COPS4: variants seen among roughly 807,000 people sequenced by gnomAD.
The protein encoded by COPS4 is COP9 signalosome complex subunit 4.
In COPS4, 8 loss-of-function variants were observed where a neutral mutation model predicts 55.1. The ratio of observed to expected loss-of-function variants is 0.15; its 90% CI spans 0.09 to 0.26. The LOEUF (loss-of-function observed/expected upper bound fraction) is 0.26, where lower values mean the gene tolerates loss of function less well. Among genes scored for constraint, COPS4 ranks in the 10% least tolerant of loss-of-function variants. COPS4 has a pLI of 1.00. For synonymous variants in COPS4, 185 were observed against 165.7 expected (o/e 1.12, Z -0.90); for missense variants, 248 against 484.0 (o/e 0.51, Z 4.58).
intron 9 of COPS4, among the ~76,000 whole-genome samples, chr4:83,069,239 C>G (rs1731361216): frequency 6.6e-6 from 1 of 152,196 alleles, no homozygotes; most frequent in Non-Finnish European, 1.5e-5. Flanking sequence ...ACCTCATTTA[C>G]ACCCTGGACC....
chr4:83,059,970 G>A (rs1731120137), intron 6 of COPS4, among the ~76,000 whole-genome samples: 1 of 151,894 alleles, frequency 6.6e-6, no homozygotes. Context: ...CAAAGTGCTG[G>A]GATTACAGGT....
At chr4:83,049,611 G>A (rs529766614) in intron 3 of COPS4, 21 of 460,556 alleles carry the variant, frequency 4.6e-5, no homozygotes, top group South Asian at 9.8e-5. Flanking sequence ...CTCCAGCATC[G>A]TGTATGCAGG....
At chr4:83,049,647 A>G (rs1207662126) in intron 3 of COPS4, 3 of 466,040 alleles carry the variant, frequency 6.4e-6, no homozygotes, top group Non-Finnish European at 1.1e-5. Context: ...TTTAATGTTT[A>G]AACTACAGTA....
chr4:83,051,589 A>G (rs1440377763), intron 4 of COPS4, among the ~76,000 whole-genome samples: 3 of 152,168 alleles, frequency 2.0e-5, no homozygotes, highest in African/African-American at 4.8e-5. Flanking sequence ...GAGCAATTGG[A>G]AAGTTGGAGT....
In COPS4 at chr4:83,056,979, A is replaced by G; in HGVS notation, c.464A>G (p.Tyr155Cys). 6.2e-7 allele frequency: 1 copy of G among 1,613,524 alleles called. No homozygotes were observed. Among genetic ancestry groups the G allele is most frequent in the Non-Finnish European group, 8.5e-7 (1 of 1,179,398 alleles). Residue 155 changes from tyrosine (Y) to cysteine (C), a missense_variant, in exon 5 of 10, where the codon TAT becomes TGT. By Grantham distance (194) the Tyr-to-Cys change is radical. This residue lies in a region of COPS4 where 155 missense variants were observed against 326.6 expected (regional missense o/e 0.47). Coordinates refer to ENST00000264389, the MANE Select transcript of COPS4 (RefSeq NM_016129.3). ...ACTTACTTGAAGATTGCTAGGCTAT[A>G]TCTGGAGGATGATGATCCAGTCCAG... ...LETYLKIARL[Y>C]LEDDDPVQAE... is the part of the protein sequence containing the mutation.
At chr4:83,046,123 G>T (rs1053920312) in intron 2 of COPS4, among the ~76,000 whole-genome samples, 9 of 151,702 alleles carry the variant, frequency 5.9e-5, no homozygotes, top group South Asian at 2.1e-4. Context: ...GGGTAGTACA[G>T]TACTGTACTT....
chr4:83,049,383 A>C, intron 3 of COPS4, 66 bp downstream of exon 3: 3 of 1,386,106 alleles, frequency 2.2e-6, no homozygotes, highest in African/African-American at 1.5e-5. Flanking sequence ...ATCTGATATT[A>C]GTAAATTCTT....
rs138675056 is a variant in COPS4 at position 83,055,731 on chromosome 4, G to A, written c.411-1195G>A. ...GCTGGGATTACAGGTGTGAGCCACC[G>A]CGCCCAGTCTTGTATTCTACCATTT... is the stretch of plus-strand genomic sequence containing the variant. On this transcript the variant is annotated intron_variant, in intron 4 of 9. Coordinates refer to ENST00000264389, the MANE Select transcript of COPS4 (RefSeq NM_016129.3). Among the ~76,000 whole-genome samples, 1,109 of 151,994 alleles carry A rather than the reference G, an allele frequency of 7.3e-3. 12 individuals are homozygous for A. Among genetic ancestry groups the A allele is most frequent in the African/African-American group, 0.025 (1,029 of 41,476 alleles).
intron 1 of COPS4, among the ~76,000 whole-genome samples, chr4:83,045,295 A>G (rs1023440862): frequency 3.9e-5 from 6 of 152,232 alleles, no homozygotes; most frequent in Admixed American, 2.0e-4. Context: ...GTTTAAATTC[A>G]AAAATAAAAC....
At chr4:83,073,166 G>A in intron 9 of COPS4, 1 of 571,126 alleles carries the variant, frequency 1.8e-6, no homozygotes, top group East Asian at 2.9e-5. Flanking sequence ...GGAAGCCCTT[G>A]CCCTTTAAGC....
chr4:83,043,572 G>A (rs957804691), intron 1 of COPS4, among the ~76,000 whole-genome samples: 2 of 147,216 alleles, frequency 1.4e-5, no homozygotes, highest in African/African-American at 5.0e-5. Flanking sequence ...AACAACTTAG[G>A]TTAATTAGCA....
intron 9 of COPS4, chr4:83,073,454 A>G (rs905782820): frequency 7.4e-6 from 3 of 404,240 alleles, no homozygotes; most frequent in African/African-American, 4.1e-5. Context: ...TATCTTGGCC[A>G]TTCTCAAACA....
At chr4:83,049,051 A>G (rs757941739) in intron 2 of COPS4, 115 bp from the exon 3 acceptor site, 3 of 928,676 alleles carry the variant, frequency 3.2e-6, no homozygotes, top group Non-Finnish European at 4.8e-6. Flanking sequence ...TGAATAATGC[A>G]TTGAAGGCTG....
chr4:83,040,431 G>C (rs1197233061), intron 1 of COPS4, among the ~76,000 whole-genome samples: 1 of 152,194 alleles, frequency 6.6e-6, no homozygotes, highest in Non-Finnish European at 1.5e-5. Context: ...TGGTTTACCT[G>C]GGTGGTCTTG....
intron 1 of COPS4, among the ~76,000 whole-genome samples, chr4:83,043,518 CAAAAAAAAA>C (rs34480105): frequency 5.7e-5 from 1 of 17,682 alleles, no homozygotes; most frequent in African/African-American, 1.6e-4. Flanking sequence ...GACCCTGTCT[CAAAAAAAAA>C]AAAAAAAAAA....
chr4:83,040,110 A>G (rs1730521428), intron 1 of COPS4, among the ~76,000 whole-genome samples: 1 of 152,070 alleles, frequency 6.6e-6, no homozygotes, highest in South Asian at 2.1e-4. Context: ...CACTTCTTCA[A>G]CTGTGTTTAA....
chr4:83,045,227 A>G (rs1259817741), intron 1 of COPS4, among the ~76,000 whole-genome samples: 1 of 152,222 alleles, frequency 6.6e-6, no homozygotes, highest in Non-Finnish European at 1.5e-5. Flanking sequence ...TATGTATTGC[A>G]CAGTTGAAGG....
intron 4 of COPS4, among the ~76,000 whole-genome samples, chr4:83,054,027 C>T (rs554088876): frequency 3.3e-5 from 5 of 152,032 alleles, no homozygotes; most frequent in South Asian, 4.2e-4. Flanking sequence ...AAGTATAAAA[C>T]GGTACCAACT....
chr4:83,039,211 A>G (rs1292168767), intron 1 of COPS4, among the ~76,000 whole-genome samples: 1 of 152,140 alleles, frequency 6.6e-6, no homozygotes, highest in African/African-American at 2.4e-5. Flanking sequence ...GCTGCCAGCC[A>G]GGCCAGGTAG....
Sources: allele counts gnomAD v4.1 joint callset (sites outside exome capture counted in the v4.1 genomes callset), GRCh38; gene constraint gnomAD v4.1.1; regional missense constraint gnomAD v4.1.1; transcripts MANE v1.5; gene names NCBI Gene and HGNC (gene_info 2026-07-23, HGNC 2026-07-21).